CD109: variants seen among roughly 807,000 people sequenced by gnomAD.
The protein encoded by CD109 is CD109 antigen.
A neutral mutation model predicts 165.8 loss-of-function variants in CD109; 149 were observed. The observed-to-expected ratio is 0.90, with a 90% confidence interval of 0.79 to 1.03. The LOEUF (loss-of-function observed/expected upper bound fraction) is 1.03. Among genes scored for constraint, CD109 ranks in the 50% least tolerant of loss-of-function variants. The probability of loss-of-function intolerance (pLI) is 0.00; values close to 1 mark genes in which losing one functional copy is unlikely to be tolerated. For synonymous variants in CD109, 585 were observed against 592.1 expected (o/e 0.99, Z 0.18); for missense variants, 1,712 against 1,677.8 (o/e 1.02, Z -0.36).
At chr6:73,755,704 T>C (rs1172607752) in intron 5 of CD109, among the ~76,000 whole-genome samples, 1 of 152,086 alleles carries the variant, frequency 6.6e-6, no homozygotes, top group African/African-American at 2.4e-5. Flanking sequence ...GTCTCATGCC[T>C]GTAATCCTAG....
upstream of CD109, chr6:73,695,543 T>C (rs919050653): frequency 6.6e-6 from 1 of 151,768 alleles, no homozygotes; most frequent in African/African-American, 2.4e-5. Context: ...TCTTCTTCTT[T>C]TTTTTTTTAA....
upstream of CD109, chr6:73,694,242 A>G (rs956257750): frequency 4.6e-5 from 7 of 152,152 alleles, no homozygotes; most frequent in Non-Finnish European, 2.9e-5. Context: ...AACATTTTTC[A>G]TTAATCCTTT....
chr6:73,731,150 G>A (rs924824872), intron 4 of CD109, among the ~76,000 whole-genome samples: 5 of 151,992 alleles, frequency 3.3e-5, no homozygotes, highest in Admixed American at 6.6e-5. Flanking sequence ...TGGTTCAAGC[G>A]ATTCTCCTGC....
In CD109 at chr6:73,819,999, C is replaced by A. The variant is rs556124276; in HGVS notation, c.4060-462C>A. Among the ~76,000 whole-genome samples the A allele has an allele frequency of 2.6e-5, 4 of 152,264 alleles. 1 individual carries two copies. In the South Asian group the frequency reaches 8.3e-4, roughly 32 times the overall value. The stretch of plus-strand genomic sequence containing the variant: ...TGGCCAAATCTGTCTCTCTTGGAGA[C>A]AGATAGGCTGGCTTTGTGTACCCCA... On this transcript the variant is annotated intron_variant, in intron 31 of 32. Coordinates refer to ENST00000287097, the MANE Select transcript of CD109 (RefSeq NM_133493.5).
At chr6:73,759,319 A>C (rs903773939) in intron 7 of CD109, among the ~76,000 whole-genome samples, 2 of 151,602 alleles carry the variant, frequency 1.3e-5, no homozygotes, top group African/African-American at 2.4e-5. Context: ...GATGACATGG[A>C]CTTGAAGCCA....
rs2150230417 is a variant in CD109 at position 73,767,020 on chromosome 6, T to C, written c.1497+10T>C. 6.2e-7 allele frequency: 1 copy of C among 1,605,046 alleles called. No homozygotes were observed. Among genetic ancestry groups the C allele is most frequent in the African/African-American group, 1.3e-5 (1 of 74,786 alleles). On this transcript the variant is annotated intron_variant, in intron 13 of 32. Coordinates refer to ENST00000287097, the MANE Select transcript of CD109 (RefSeq NM_133493.5). ...GGAGTTAAGCTATATGGTAATCTCT[T>C]ATAGAATCTAAATTTATGATCTATT... is the stretch of plus-strand genomic sequence containing the variant.
rs1773587412 is a variant in CD109 at position 73,760,738 on chromosome 6, C to T, written c.759-1646C>T. ...GCAGACGCCTATAATCCCAGCTATT[C>T]GGGAGGCTGAAGCAGAGAATTGATT... On this transcript the variant is annotated intron_variant, in intron 7 of 32. Coordinates refer to ENST00000287097, the MANE Select transcript of CD109 (RefSeq NM_133493.5). 2.0e-5 allele frequency among the ~76,000 whole-genome samples: 3 copies of T among 151,908 alleles called. No individual in the cohort carries two copies. In the South Asian group the frequency reaches 6.2e-4, roughly 32 times the overall value.
In CD109 at chr6:73,716,238, A is replaced by T. The variant is rs1364173792; in HGVS notation, c.248-7013A>T. 1.3e-4 allele frequency among the ~76,000 whole-genome samples: 20 copies of T among 152,244 alleles called. 1 individual carries two copies. The highest frequency in any genetic ancestry group is 1.3e-3 in the Admixed American group (20 of 15,284). On this transcript the variant is annotated intron_variant, in intron 2 of 32. Transcript: ENST00000287097. The stretch of plus-strand genomic sequence containing the variant: ...TATTATGAACAGTGGTGTAACAAAC[A>T]TGGGAGTGCAGATAGCTCTTTGATA...
rs187376518 is a variant in CD109, at chr6:73,776,660, C to T, written c.1828-3764C>T. Among the ~76,000 whole-genome samples, 97 of 137,894 alleles carry T rather than the reference C, an allele frequency of 7.0e-4. 1 individual carries two copies. Among genetic ancestry groups the T allele is most frequent in the South Asian group, 2.4e-3 (10 of 4,098 alleles). 90.5% of individuals were successfully genotyped at this position (137,894 alleles called of 152,430 possible). Reference sequence around the variant, plus strand: ...GCAACCTTCACCTTCTGGGTTCAAGCGATTCTCCTGCCTCAGCCTCCCAAG... The same window carrying T: ...GCAACCTTCACCTTCTGGGTTCAAGTGATTCTCCTGCCTCAGCCTCCCAAG... On this transcript the variant is annotated intron_variant, in intron 15 of 32. Transcript: ENST00000287097.
At chr6:73,738,794 C>T (rs956204092) in intron 5 of CD109, among the ~76,000 whole-genome samples, 1 of 152,192 alleles carries the variant, frequency 6.6e-6, no homozygotes, top group African/African-American at 2.4e-5. Flanking sequence ...TTCTTAAACT[C>T]ACCGATCTGT....
chr6:73,775,242 G>A (rs1774198634), intron 15 of CD109, among the ~76,000 whole-genome samples: 1 of 151,786 alleles, frequency 6.6e-6, no homozygotes, highest in African/African-American at 2.4e-5. Flanking sequence ...ATGAGGTTAT[G>A]GAATACATAT....
At chr6:73,761,757 G>A (rs1400932937) in intron 7 of CD109, among the ~76,000 whole-genome samples, 1 of 151,866 alleles carries the variant, frequency 6.6e-6, no homozygotes, top group African/African-American at 2.4e-5. Context: ...TCCTGACCTC[G>A]TGATCCACCA....
chr6:73,697,407 T>C lies in CD109; in HGVS notation c.82T>C (p.Phe28Leu). 1 of 1,613,782 alleles carries C rather than the reference T, an allele frequency of 6.2e-7. No homozygotes were observed. The highest frequency in any genetic ancestry group is 8.5e-7 in the Non-Finnish European group (1 of 1,179,922). ...AALAVAPGPRFLVTAPGIIRP... is the reference protein window; with the variant it reads ...AALAVAPGPRLLVTAPGIIRP... ...TTGTTGGGAACTCTTTAGGCCTCGG[T>C]TTCTGGTGACAGCCCCAGGGATCAT... The change falls in exon 2 of 33, where the codon TTT becomes CTT. Residue 28 changes from phenylalanine (F) to leucine (L), a missense_variant. Physicochemically the swap from Phe to Leu is conservative, Grantham distance 22 (BLOSUM62 0). Transcript: ENST00000287097.
At chr6:73,802,188 G>A (rs150356501) in intron 23 of CD109, among the ~76,000 whole-genome samples, 26 of 150,472 alleles carry the variant, frequency 1.7e-4, no homozygotes, top group Non-Finnish European at 3.5e-4. Context: ...ATGCAGATAC[G>A]TGAGCCTTAA....
At position 73,765,061 on chromosome 6, in the gene CD109, A is replaced by G. The variant is rs184616016; in HGVS notation, c.1108-869A>G. On this transcript the variant is annotated intron_variant, in intron 10 of 32. Coordinates refer to ENST00000287097, the MANE Select transcript of CD109 (RefSeq NM_133493.5). ...CATGGGGGTTACTATGGGATGCTTT[A>G]TGGAAGAGGATGGTCTAAACTGTTT... is the stretch of plus-strand genomic sequence containing the variant. Among the ~76,000 whole-genome samples the G allele has an allele frequency of 3.9e-5, 6 of 152,198 alleles. No homozygotes were observed. The East Asian group carries it at 1.2e-3, about 29-fold the overall frequency.
At chr6:73,753,178 A>C (rs545812511) in intron 5 of CD109, among the ~76,000 whole-genome samples, 2 of 152,340 alleles carry the variant, frequency 1.3e-5, no homozygotes, top group Non-Finnish European at 2.9e-5. Flanking sequence ...GCATTGCAAC[A>C]GCATTGTTAA....
chr6:73,713,118 G>T (rs1771597397), intron 2 of CD109, among the ~76,000 whole-genome samples: 1 of 151,924 alleles, frequency 6.6e-6, no homozygotes, highest in Non-Finnish European at 1.5e-5. Context: ...TTATGTTTTG[G>T]TTGTGTAAAT....
chr6:73,820,367 C>G, intron 31 of CD109, 94 bp from the exon 32 acceptor site: 1 of 642,462 alleles, frequency 1.6e-6, no homozygotes, highest in Non-Finnish European at 2.7e-6. Flanking sequence ...GTGTTAGTCT[C>G]TGTTTCCTAA....
intron 2 of CD109, among the ~76,000 whole-genome samples, chr6:73,715,972 A>C (rs1372680741): frequency 2.0e-5 from 3 of 152,048 alleles, no homozygotes; most frequent in Non-Finnish European, 1.5e-5. Context: ...TCTTATCTCC[A>C]TTATTAGTTA....
Sources: gnomAD v4.1 joint callset for allele counts (sites outside exome capture counted in the v4.1 genomes callset) on GRCh38, gnomAD v4.1.1 for gene constraint, MANE v1.5 for transcripts, NCBI Gene and HGNC (gene_info 2026-07-23, HGNC 2026-07-21) for gene names.